Variants in EIF2B3 observed in about 807,000 individuals in gnomAD.
EIF2B3 encodes the protein eukaryotic translation initiation factor 2B subunit gamma.
In EIF2B3, 20 loss-of-function variants were observed where a neutral mutation model predicts 54.1. The ratio of observed to expected loss-of-function variants is 0.37; its 90% CI spans 0.26 to 0.54. The LOEUF (loss-of-function observed/expected upper bound fraction) is 0.54, where lower values mean the gene tolerates loss of function less well. Among genes scored for constraint, EIF2B3 ranks in the 20% least tolerant of loss-of-function variants. The pLI is 0.86. For synonymous variants in EIF2B3, 153 were observed against 188.1 expected (o/e 0.81, Z 1.52); for missense variants, 448 against 547.8 (o/e 0.82, Z 1.82).
intron 3 of EIF2B3, among the ~76,000 whole-genome samples, chr1:44,961,750 G>T (rs547054075): frequency 5.9e-5 from 9 of 152,220 alleles, no homozygotes; most frequent in Non-Finnish European, 1.0e-4. Context: ...ATATTTTATA[G>T]ATGAATCAAA....
intron 8 of EIF2B3, 134 bp downstream of exon 8, chr1:44,879,684 G>A (rs545713245): frequency 3.2e-5 from 33 of 1,020,020 alleles, no homozygotes; most frequent in Middle Eastern, 3.0e-4. Flanking sequence ...CTCCCTTGAC[G>A]TGCCAGGTCT....
intron 10 of EIF2B3, among the ~76,000 whole-genome samples, chr1:44,873,807 AT>A (rs35507556): frequency 2.1e-3 from 292 of 142,132 alleles, no homozygotes; most frequent in South Asian, 2.1e-3. Flanking sequence ...CACCTGGCTA[AT>A]TTTTTTTTTT....
At chr1:44,879,402 T>A (rs1411572946) in intron 8 of EIF2B3, among the ~76,000 whole-genome samples, 2 of 152,234 alleles carry the variant, frequency 1.3e-5, no homozygotes, top group Admixed American at 1.3e-4. Context: ...ATCTGGCCAC[T>A]CTATACTCTG....
At chr1:44,910,030 C>A (rs1643482452) in intron 5 of EIF2B3, among the ~76,000 whole-genome samples, 1 of 152,100 alleles carries the variant, frequency 6.6e-6, no homozygotes, top group Non-Finnish European at 1.5e-5. Flanking sequence ...TTAAAGATAT[C>A]CTTTAGGAGC....
At chr1:44,973,466 G>A (rs1325066419) in intron 3 of EIF2B3, among the ~76,000 whole-genome samples, 3 of 152,018 alleles carry the variant, frequency 2.0e-5, no homozygotes, top group African/African-American at 7.3e-5. Flanking sequence ...TGGAGGCCAA[G>A]GTGGGCAGAT....
At chr1:44,872,002 C>T (rs180889148) in intron 10 of EIF2B3, among the ~76,000 whole-genome samples, 157 of 150,862 alleles carry the variant, frequency 1.0e-3, no homozygotes, top group African/African-American at 3.5e-3. Flanking sequence ...TCAGGGGTTA[C>T]AGGTGCACAC....
intron 5 of EIF2B3, among the ~76,000 whole-genome samples, chr1:44,897,657 T>C (rs1350781108): frequency 1.3e-5 from 2 of 152,186 alleles, no homozygotes; most frequent in African/African-American, 4.8e-5. Flanking sequence ...TGGCATACTT[T>C]CTGAGGCTTT....
At chr1:44,906,020 C>T (rs1213619039) in intron 5 of EIF2B3, among the ~76,000 whole-genome samples, 1 of 152,198 alleles carries the variant, frequency 6.6e-6, no homozygotes, top group Non-Finnish European at 1.5e-5. Context: ...CACAGCACCA[C>T]TGACAAGAAG....
chr1:44,918,169 T>C (rs1643666708), intron 5 of EIF2B3, among the ~76,000 whole-genome samples: 1 of 148,472 alleles, frequency 6.7e-6, no homozygotes, highest in Non-Finnish European at 1.5e-5. Context: ...CTGTAATCTC[T>C]GCCTCCCAAG....
intron 10 of EIF2B3, among the ~76,000 whole-genome samples, chr1:44,858,222 C>T (rs1309378436): frequency 1.3e-5 from 2 of 152,038 alleles, no homozygotes; most frequent in African/African-American, 4.8e-5. Context: ...GTGAACACCA[C>T]CATGTCTGGC....
intron 5 of EIF2B3, among the ~76,000 whole-genome samples, chr1:44,922,512 G>A (rs370176007): frequency 1.0e-3 from 152 of 150,552 alleles, no homozygotes; most frequent in East Asian, 7.5e-3. Flanking sequence ...ATTTGAGCCC[G>A]GGAGGTGGAG....
chr1:44,880,874 T>C (rs1655371566), intron 7 of EIF2B3, among the ~76,000 whole-genome samples: 1 of 151,732 alleles, frequency 6.6e-6, no homozygotes, highest in Non-Finnish European at 1.5e-5. Flanking sequence ...GGCAGGAGAA[T>C]GGCGTGAACC....
At chr1:44,967,075 A>G (rs930071856) in intron 3 of EIF2B3, among the ~76,000 whole-genome samples, 2 of 151,502 alleles carry the variant, frequency 1.3e-5, no homozygotes, top group Non-Finnish European at 2.9e-5. Context: ...CGGCCTCCCA[A>G]GGTGCTGGGA....
chr1:44,859,939 G>A (rs1654555511), intron 10 of EIF2B3, among the ~76,000 whole-genome samples: 1 of 150,842 alleles, frequency 6.6e-6, no homozygotes. Context: ...TGTATTTTTA[G>A]TAGAGGCAGG....
intron 3 of EIF2B3, among the ~76,000 whole-genome samples, chr1:44,961,142 C>A (rs1317221837): frequency 2.6e-5 from 4 of 151,298 alleles, no homozygotes; most frequent in African/African-American, 9.7e-5. Flanking sequence ...TCAAGAGCAG[C>A]CTGGACAACA....
intron 6 of EIF2B3, among the ~76,000 whole-genome samples, chr1:44,895,902 G>A (rs1032508394): frequency 1.3e-5 from 2 of 152,066 alleles, no homozygotes; most frequent in African/African-American, 4.8e-5. Flanking sequence ...CAAGGCCTAG[G>A]CTCATTTCAT....
intron 5 of EIF2B3, among the ~76,000 whole-genome samples, chr1:44,906,922 A>T (rs943264071): frequency 1.7e-4 from 26 of 152,250 alleles, no homozygotes; most frequent in African/African-American, 6.3e-4. Context: ...TGAACTTCGG[A>T]TCTCCCTGCC....
At chr1:44,912,352 T>C (rs1430715975) in intron 5 of EIF2B3, among the ~76,000 whole-genome samples, 2 of 152,356 alleles carry the variant, frequency 1.3e-5, no homozygotes, top group East Asian at 3.9e-4. Flanking sequence ...GTGATACTTT[T>C]CAAGTCTTAT....
At chr1:44,967,717 C>CG (rs1644357766) in intron 3 of EIF2B3, among the ~76,000 whole-genome samples, 1 of 124,450 alleles carries the variant, frequency 8.0e-6, no homozygotes, top group Non-Finnish European at 1.6e-5. Flanking sequence ...TCCCGTCTGG[C>CG]GACAGAGTGA....
Sources: allele counts gnomAD v4.1 joint callset (sites outside exome capture counted in the v4.1 genomes callset), GRCh38; gene constraint gnomAD v4.1.1; transcripts MANE v1.5; gene names NCBI Gene and HGNC (gene_info 2026-07-23, HGNC 2026-07-21).